Variants in SORCS2 observed in about 807,000 individuals in gnomAD.
The protein encoded by SORCS2 is sortilin related VPS10 domain containing receptor 2.
A neutral mutation model predicts 141.6 loss-of-function variants in SORCS2; 100 were observed. That is an observed-to-expected ratio of 0.71 (90% confidence interval 0.60 to 0.83). The LOEUF is 0.83. SORCS2 is among the 40% of genes least tolerant of loss of function. The pLI is 0.00. For synonymous variants in SORCS2, 789 were observed against 676.9 expected, an observed-to-expected ratio of 1.17 and a Z score of -2.57; for missense variants, 1,646 against 1,560.2, an observed-to-expected ratio of 1.05 and a Z score of -0.93.
chr4:7,734,227 T>G (rs764511201), intron 24 of SORCS2, 45 bp from the exon 25 acceptor site: 11 of 1,429,536 alleles, frequency 7.7e-6, no homozygotes, highest in Admixed American at 3.9e-5. Context: ...GGGACAGGGA[T>G]GGGCGGTGCC....
intron 2 of SORCS2, among the ~76,000 whole-genome samples, chr4:7,470,423 T>C (rs532060803): frequency 5.5e-4 from 84 of 152,162 alleles, no homozygotes; most frequent in Non-Finnish European, 1.0e-3. Context: ...CCAGCCATCC[T>C]CCCATTATTT....
chr4:7,515,713 G>C (rs1327814049), intron 2 of SORCS2, among the ~76,000 whole-genome samples: 1 of 152,240 alleles, frequency 6.6e-6, no homozygotes, highest in Non-Finnish European at 1.5e-5. Context: ...CATGCAAGGT[G>C]GGGGTGGGGC....
chr4:7,373,478 A>ATATATATATATATATATTT (rs1470691140), intron 1 of SORCS2, among the ~76,000 whole-genome samples: 1 of 36,818 alleles, frequency 2.7e-5, no homozygotes, highest in Non-Finnish European at 4.1e-5. Context: ...ATATATATAT[A>ATATATATATATATATATTT]TTTTTTTTTT....
chr4:7,514,900 C>G (rs966510220), intron 2 of SORCS2, among the ~76,000 whole-genome samples: 1 of 152,146 alleles, frequency 6.6e-6, no homozygotes, highest in African/African-American at 2.4e-5. Context: ...GGCCTGGGGC[C>G]CTGGTAAGCA....
intron 1 of SORCS2, among the ~76,000 whole-genome samples, chr4:7,259,254 A>C (rs954242632): frequency 1.3e-5 from 2 of 152,140 alleles, no homozygotes; most frequent in African/African-American, 2.4e-5. Context: ...TACCATACTC[A>C]ATTAAAAAGT....
intron 1 of SORCS2, among the ~76,000 whole-genome samples, chr4:7,215,370 G>T (rs1213792046): frequency 3.3e-5 from 5 of 152,228 alleles, no homozygotes; most frequent in African/African-American, 1.2e-4. Flanking sequence ...TTTCCGCGGG[G>T]CAGGGCTCGG....
At chr4:7,718,349 C>G (rs1053725412) in intron 18 of SORCS2, among the ~76,000 whole-genome samples, 166 bp downstream of exon 18, 6 of 152,154 alleles carry the variant, frequency 3.9e-5, no homozygotes, top group Middle Eastern at 3.2e-3. Context: ...GGCTGGAAAT[C>G]CGCTTCCCGA....
At chr4:7,506,062 AC>A (rs1441433222) in intron 2 of SORCS2, among the ~76,000 whole-genome samples, 1 of 152,144 alleles carries the variant, frequency 6.6e-6, no homozygotes, top group African/African-American at 2.4e-5. Flanking sequence ...CTATAGGGGC[AC>A]TAATCTGGGG....
intron 1 of SORCS2, among the ~76,000 whole-genome samples, chr4:7,377,241 C>G (rs1015495609): frequency 1.3e-5 from 2 of 152,058 alleles, no homozygotes; most frequent in African/African-American, 4.8e-5. Flanking sequence ...GAACCATTCC[C>G]CAGTAGGGGT....
At chr4:7,552,342 G>A (rs1039842181) in intron 3 of SORCS2, among the ~76,000 whole-genome samples, 24 of 152,218 alleles carry the variant, frequency 1.6e-4, no homozygotes, top group African/African-American at 5.5e-4. Context: ...CTGTCCCCTG[G>A]GGCACCAGCA....
chr4:7,568,860 G>A (rs911122496), intron 3 of SORCS2, among the ~76,000 whole-genome samples: 1 of 152,186 alleles, frequency 6.6e-6, no homozygotes, highest in African/African-American at 2.4e-5. Flanking sequence ...TCCCGTAGGG[G>A]TCAGAGATGA....
intron 1 of SORCS2, among the ~76,000 whole-genome samples, chr4:7,341,820 A>C (rs1326368813): frequency 6.6e-6 from 1 of 152,192 alleles, no homozygotes; most frequent in Non-Finnish European, 1.5e-5. Context: ...TCATCTCCCC[A>C]AAAGGAAACT....
intron 2 of SORCS2, among the ~76,000 whole-genome samples, chr4:7,491,742 ACC>A (rs1731327516): frequency 6.6e-6 from 1 of 151,220 alleles, no homozygotes. Context: ...CAGCCCACCC[ACC>A]CCCCGTTAAG....
At chr4:7,403,991 ATATATATT>A (rs1439386338) in intron 2 of SORCS2, among the ~76,000 whole-genome samples, 3 of 5,048 alleles carry the variant, frequency 5.9e-4, no homozygotes, top group Non-Finnish European at 1.2e-3. Flanking sequence ...ATATATATAT[ATATATATT>A]TTTTTTTTTT....
At chr4:7,716,682 A>ACTGT (rs1553806169) in intron 17 of SORCS2, among the ~76,000 whole-genome samples, 5 of 47,406 alleles carry the variant, frequency 1.1e-4, no homozygotes, top group Non-Finnish European at 1.7e-4. Context: ...TCATTCATTC[A>ACTGT]CCGTCCATCC....
At chr4:7,384,507 C>T (rs986237940) in intron 1 of SORCS2, among the ~76,000 whole-genome samples, 11 of 152,154 alleles carry the variant, frequency 7.2e-5, no homozygotes, top group African/African-American at 9.7e-5. Flanking sequence ...AAGGTGCGTA[C>T]ACGGGGCCCT....
chr4:7,534,926 G>A (rs377189947), intron 3 of SORCS2, among the ~76,000 whole-genome samples: 1 of 152,242 alleles, frequency 6.6e-6, no homozygotes, highest in African/African-American at 2.4e-5. Flanking sequence ...GGGCTGCAGG[G>A]GTTGGGGCTG....
At chr4:7,594,465 G>A (rs1020483173) in intron 3 of SORCS2, among the ~76,000 whole-genome samples, 5 of 152,212 alleles carry the variant, frequency 3.3e-5, no homozygotes, top group African/African-American at 7.2e-5. Flanking sequence ...TGGAAGCCCC[G>A]GGTGGGCCTG....
chr4:7,525,416 C>T (rs527614787), intron 2 of SORCS2, among the ~76,000 whole-genome samples: 85 of 152,154 alleles, frequency 5.6e-4, no homozygotes, highest in Middle Eastern at 6.8e-3. Context: ...CAGTGGGCTG[C>T]CCAGGGAGCA....
Sources: gnomAD v4.1 joint callset for allele counts (sites outside exome capture counted in the v4.1 genomes callset) on GRCh38, gnomAD v4.1.1 for gene constraint, MANE v1.5 for transcripts, NCBI Gene and HGNC (gene_info 2026-07-23, HGNC 2026-07-21) for gene names.